The following HHAT variants were observed in gnomAD, a reference collection of about 807,000 sequenced individuals.
The protein encoded by HHAT is protein-cysteine N-palmitoyltransferase HHAT.
Under a neutral mutation model 70.8 loss-of-function variants are expected in HHAT, and 47 were observed. The ratio of observed to expected loss-of-function variants is 0.66; its 90% CI spans 0.53 to 0.85. HHAT has a LOEUF of 0.85. HHAT is among the 40% of genes least tolerant of loss of function. HHAT has a pLI of 0.00. For missense variants in HHAT, 609 were observed against 604.8 expected, an observed-to-expected ratio of 1.01 and a Z score of -0.07; for synonymous variants, 228 against 247.6, an observed-to-expected ratio of 0.92 and a Z score of 0.74.
chr1:210,591,386 C>CT (rs1438473392), intron 10 of HHAT, among the ~76,000 whole-genome samples: 2 of 152,054 alleles, frequency 1.3e-5, no homozygotes, highest in Non-Finnish European at 2.9e-5. Flanking sequence ...GGCCCTCATC[C>CT]TTTTTTATGG....
At chr1:210,458,694 T>C (rs986209413) in intron 7 of HHAT, among the ~76,000 whole-genome samples, 1 of 152,134 alleles carries the variant, frequency 6.6e-6, no homozygotes, top group Non-Finnish European at 1.5e-5. Context: ...GACAGGAATG[T>C]CAGGGCAGGA....
chr1:210,434,291 G>A (rs969344879), intron 7 of HHAT, among the ~76,000 whole-genome samples: 1 of 151,724 alleles, frequency 6.6e-6, no homozygotes, highest in Non-Finnish European at 1.5e-5. Context: ...ACATAGTTTG[G>A]GGGAAATTTT....
At chr1:210,524,092 G>C (rs1465756034) in intron 9 of HHAT, among the ~76,000 whole-genome samples, 2 of 152,192 alleles carry the variant, frequency 1.3e-5, no homozygotes, top group Non-Finnish European at 2.9e-5. Context: ...GCCAGGGGGT[G>C]GGGGAAGGGA....
intron 10 of HHAT, among the ~76,000 whole-genome samples, chr1:210,593,176 T>C (rs1662149127): frequency 6.6e-6 from 1 of 152,166 alleles, no homozygotes; most frequent in Non-Finnish European, 1.5e-5. Flanking sequence ...GTATTTTCAT[T>C]GTTTCAATTT....
At chr1:210,666,295 A>C (rs1282395536) in intron 11 of HHAT, among the ~76,000 whole-genome samples, 3 of 152,194 alleles carry the variant, frequency 2.0e-5, no homozygotes, top group Non-Finnish European at 4.4e-5. Context: ...GTGCTGGTTC[A>C]GCAACAGCAG....
chr1:210,336,351 C>A (rs2085500715), intron 1 of HHAT, among the ~76,000 whole-genome samples: 1 of 140,808 alleles, frequency 7.1e-6, no homozygotes, highest in Non-Finnish European at 1.5e-5. Flanking sequence ...TGGTCTTGAA[C>A]CCCTAGGCTC....
At chr1:210,459,061 G>A (rs1281410313) in intron 7 of HHAT, among the ~76,000 whole-genome samples, 1 of 152,140 alleles carries the variant, frequency 6.6e-6, no homozygotes, top group Non-Finnish European at 1.5e-5. Context: ...TGTTTTTGAT[G>A]AGCTGAGTTT....
At chr1:210,600,518 G>A (rs1664013259) in intron 10 of HHAT, among the ~76,000 whole-genome samples, 1 of 152,166 alleles carries the variant, frequency 6.6e-6, no homozygotes, top group Admixed American at 6.5e-5. Context: ...AATGGGGTAA[G>A]GAGGAATTAG....
chr1:210,557,215 C>T (rs2095580829), intron 9 of HHAT, among the ~76,000 whole-genome samples: 2 of 152,224 alleles, frequency 1.3e-5, no homozygotes, highest in Non-Finnish European at 2.9e-5. Context: ...TATTAACCAA[C>T]ACTTGCTAAA....
chr1:210,392,912 C>T (rs113240177), intron 4 of HHAT, among the ~76,000 whole-genome samples: 103 of 152,224 alleles, frequency 6.8e-4, no homozygotes, highest in African/African-American at 2.4e-3. Flanking sequence ...GCTCCTGTTT[C>T]GCACCTGACA....
intron 4 of HHAT, among the ~76,000 whole-genome samples, chr1:210,395,760 G>T (rs758930262): frequency 6.6e-6 from 1 of 152,190 alleles, no homozygotes; most frequent in Non-Finnish European, 1.5e-5. Flanking sequence ...GGGTTCCAAA[G>T]TCCACATTTT....
intron 11 of HHAT, among the ~76,000 whole-genome samples, chr1:210,634,506 A>G (rs189404395): frequency 6.6e-6 from 1 of 152,348 alleles, no homozygotes; most frequent in African/African-American, 2.4e-5. Flanking sequence ...AAAATACCAG[A>G]CAACATAATG....
chr1:210,444,863 A>G (rs986357570), intron 7 of HHAT, among the ~76,000 whole-genome samples: 4 of 152,036 alleles, frequency 2.6e-5, no homozygotes, highest in Admixed American at 6.6e-5. Context: ...CTCCTGAGAC[A>G]GAGTCTCACT....
intron 6 of HHAT, among the ~76,000 whole-genome samples, chr1:210,408,012 C>G (rs557578445): frequency 2.0e-5 from 3 of 152,280 alleles, no homozygotes; most frequent in Non-Finnish European, 4.4e-5. Context: ...TGAATCCCTG[C>G]TGTGCTTCGG....
At chr1:210,520,080 A>C (rs1179265232) in intron 9 of HHAT, among the ~76,000 whole-genome samples, 1 of 151,730 alleles carries the variant, frequency 6.6e-6, no homozygotes, top group Non-Finnish European at 1.5e-5. Flanking sequence ...CAATGGCGTG[A>C]TCTCAGCTCA....
At chr1:210,489,210 T>C (rs1382417175) in intron 8 of HHAT, among the ~76,000 whole-genome samples, 1 of 152,182 alleles carries the variant, frequency 6.6e-6, no homozygotes, top group Non-Finnish European at 1.5e-5. Context: ...AATGTGCTGA[T>C]TTGTAAAATA....
intron 10 of HHAT, among the ~76,000 whole-genome samples, chr1:210,595,093 C>T (rs1364636021): frequency 6.6e-6 from 1 of 152,060 alleles, no homozygotes; most frequent in Admixed American, 6.5e-5. Context: ...TTAGGTATAT[C>T]TCCTAATGCT....
intron 3 of HHAT, among the ~76,000 whole-genome samples, chr1:210,364,987 C>T (rs2088764530): frequency 6.6e-6 from 1 of 152,194 alleles, no homozygotes. Flanking sequence ...CTTCTCATCT[C>T]TCTACTTCTC....
intron 8 of HHAT, among the ~76,000 whole-genome samples, chr1:210,474,640 A>C (rs913555849): frequency 2.0e-5 from 3 of 152,134 alleles, no homozygotes; most frequent in Admixed American, 2.0e-4. Context: ...GTGTTTCTTT[A>C]AAATGTAAAT....
Sources: gnomAD v4.1 joint callset for allele counts (sites outside exome capture counted in the v4.1 genomes callset) on GRCh38, gnomAD v4.1.1 for gene constraint, MANE v1.5 for transcripts, NCBI Gene and HGNC (gene_info 2026-07-23, HGNC 2026-07-21) for gene names.